The following SEC22A variants were observed in gnomAD, a reference collection of about 807,000 sequenced individuals.
The protein encoded by SEC22A is vesicle-trafficking protein SEC22a.
In SEC22A, 22 loss-of-function variants were observed where a neutral mutation model predicts 35.3. That is an observed-to-expected ratio of 0.62 (90% CI 0.45 to 0.89). The LOEUF (loss-of-function observed/expected upper bound fraction) is 0.89, where lower values mean the gene tolerates loss of function less well. Ranked by LOEUF, SEC22A falls within the 40% of genes least tolerant of loss-of-function variation. The probability of loss-of-function intolerance (pLI) is 0.00; values close to 1 mark genes in which losing one functional copy is unlikely to be tolerated. For missense variants in SEC22A, 354 were observed against 362.5 expected (o/e 0.98, Z 0.19); for synonymous variants, 119 against 129.5 (o/e 0.92, Z 0.55).
chr3:123,263,405 C>T (rs776644990), intron 6 of SEC22A, among the ~76,000 whole-genome samples: 4 of 152,240 alleles, frequency 2.6e-5, no homozygotes, highest in Non-Finnish European at 4.4e-5. Flanking sequence ...ATGGGGGCTC[C>T]GCCCTCATGA....
chr3:123,209,335 C>G lies in SEC22A; in HGVS notation c.118C>G (p.Leu40Val). The change falls in exon 2 of 7, where the codon CTT becomes GTT. Residue 40 changes from leucine to valine, a missense_variant. By Grantham distance (32) the Leu-to-Val change is conservative. Coordinates refer to ENST00000492595, the MANE Select transcript of SEC22A (RefSeq NM_012430.5). The stretch of plus-strand genomic sequence containing the variant: ...GGAGTGCAGAAAGTATTTTAAAATG[C>G]TTTCGAGGAAACTTGCTCAACTTCC... ...MQECRKYFKM[L>V]SRKLAQLPDR... The G allele has an allele frequency of 6.2e-7, 1 of 1,613,996 alleles. No homozygotes were observed. The highest frequency in any genetic ancestry group is 8.5e-7 in the Non-Finnish European group (1 of 1,179,936).
intron 4 of SEC22A, among the ~76,000 whole-genome samples, chr3:123,233,931 G>A (rs937467867): frequency 7.9e-5 from 12 of 152,256 alleles, no homozygotes; most frequent in African/African-American, 1.2e-4. Context: ...CACATATGAC[G>A]TAATCTTTTA....
chr3:123,245,750 A>T, intron 4 of SEC22A, 149 bp from the exon 5 acceptor site: 1 of 529,724 alleles, frequency 1.9e-6, no homozygotes, highest in Middle Eastern at 5.2e-4. Context: ...TCATTTTATA[A>T]CAGTATTTAA....
chr3:123,230,755 A>C (rs978280511), intron 4 of SEC22A, among the ~76,000 whole-genome samples: 1 of 150,830 alleles, frequency 6.6e-6, no homozygotes, highest in Non-Finnish European at 1.5e-5. Context: ...AAGGCATGAG[A>C]TGGATAAGAA....
At chr3:123,257,511 A>G (rs1047767224) in intron 5 of SEC22A, among the ~76,000 whole-genome samples, 2 of 151,452 alleles carry the variant, frequency 1.3e-5, no homozygotes, top group African/African-American at 4.9e-5. Flanking sequence ...AGCCTGGCCA[A>G]CCTGGTGAAA....
chr3:123,248,191 A>T (rs1444164483), intron 5 of SEC22A, among the ~76,000 whole-genome samples: 2 of 152,184 alleles, frequency 1.3e-5, no homozygotes, highest in African/African-American at 4.8e-5. Context: ...CCAACATCAT[A>T]CTGGAAGTTC....
rs1344135192 is a variant in SEC22A, at chr3:123,218,895, T to C, written c.183-4664T>C. Among the ~76,000 whole-genome samples the C allele has an allele frequency of 2.0e-5, 3 of 152,318 alleles. No individual in the cohort carries two copies. In the East Asian group the frequency reaches 5.8e-4, roughly 29 times the overall value. On this transcript the variant is annotated intron_variant, in intron 2 of 6. Transcript: ENST00000492595. ...GTGCTAAGAATATAATGGTGAGCAATACAGAAATCATCCCTGCTCTCATGG... is the reference window on the plus strand; with the variant it reads ...GTGCTAAGAATATAATGGTGAGCAACACAGAAATCATCCCTGCTCTCATGG...
chr3:123,202,893 C>T (rs1936774942), intron 1 of SEC22A, among the ~76,000 whole-genome samples: 1 of 152,026 alleles, frequency 6.6e-6, no homozygotes, highest in African/African-American at 2.4e-5. Context: ...TGCTTACATG[C>T]TAAGATTGTA....
chr3:123,266,707 T>C (rs920860155), intron 6 of SEC22A, among the ~76,000 whole-genome samples: 2 of 152,180 alleles, frequency 1.3e-5, no homozygotes, highest in African/African-American at 2.4e-5. Flanking sequence ...CAAAATATGG[T>C]CTGTCTTGTT....
intron 4 of SEC22A, among the ~76,000 whole-genome samples, chr3:123,241,007 ACAC>A: frequency 2.9e-5 from 2 of 69,610 alleles, no homozygotes; most frequent in Non-Finnish European, 1.0e-4. Flanking sequence ...TTTCTTACAC[ACAC>A]ACACACACAC....
At chr3:123,254,312 C>G (rs2108089163) in intron 5 of SEC22A, among the ~76,000 whole-genome samples, 1 of 152,236 alleles carries the variant, frequency 6.6e-6, no homozygotes, top group East Asian at 1.9e-4. Flanking sequence ...TGAGCCACTG[C>G]CCCTGACCCA....
intron 6 of SEC22A, 42 bp downstream of exon 6, chr3:123,259,631 T>A (rs1937831880): frequency 7.5e-7 from 1 of 1,334,940 alleles, no homozygotes; most frequent in Non-Finnish European, 1.1e-6. Flanking sequence ...ACCATTATTG[T>A]TTACTTCGGG....
intron 4 of SEC22A, 146 bp from the exon 5 acceptor site, chr3:123,245,753 G>A (rs1187378730): frequency 3.6e-6 from 2 of 550,900 alleles, no homozygotes; most frequent in Non-Finnish European, 3.3e-6. Context: ...TTTTATAACA[G>A]TATTTAATTG....
At chr3:123,208,672 A>G (rs1013641584) in intron 1 of SEC22A, 1 of 153,706 alleles carries the variant, frequency 6.5e-6, no homozygotes, top group Non-Finnish European at 1.4e-5. Context: ...GTCAGCCAAG[A>G]TGGCGCCACT....
At chr3:123,219,609 T>C (rs1018580452) in intron 2 of SEC22A, among the ~76,000 whole-genome samples, 7 of 152,228 alleles carry the variant, frequency 4.6e-5, no homozygotes, top group Non-Finnish European at 1.0e-4. Flanking sequence ...AAACTAAATA[T>C]GTAAAATACT....
chr3:123,221,660 T>C (rs1263420820), intron 2 of SEC22A, among the ~76,000 whole-genome samples: 1 of 152,030 alleles, frequency 6.6e-6, no homozygotes, highest in African/African-American at 2.4e-5. Flanking sequence ...GCTTATTTAT[T>C]ATAGTGGGGT....
At chr3:123,242,616 A>T (rs564099465) in intron 4 of SEC22A, among the ~76,000 whole-genome samples, 1 of 151,752 alleles carries the variant, frequency 6.6e-6, no homozygotes, top group East Asian at 1.9e-4. Flanking sequence ...TTTTGCAGTG[A>T]CTCTCCCACA....
chr3:123,203,999 C>T (rs565126401), intron 1 of SEC22A, among the ~76,000 whole-genome samples: 78 of 152,206 alleles, frequency 5.1e-4, no homozygotes, highest in African/African-American at 1.5e-3. Flanking sequence ...GGCAAAATGG[C>T]GGAAATTCCA....
In SEC22A at chr3:123,250,734, A is replaced by G. The variant is rs139282693; in HGVS notation, c.657+4720A>G. Among the ~76,000 whole-genome samples the G allele has an allele frequency of 2.4e-4, 37 of 152,358 alleles. No homozygotes were observed. In the East Asian group the frequency reaches 4.8e-3, roughly 20 times the overall value. The stretch of plus-strand genomic sequence containing the variant: ...GCCATTTTGAGAAAGCCAGTGAGAG[A>G]CAGCCAGACCAGGTCCTCTGGCCTA... On this transcript the variant is annotated intron_variant, in intron 5 of 6. Transcript: ENST00000492595.
Sources: allele counts gnomAD v4.1 joint callset (sites outside exome capture counted in the v4.1 genomes callset), GRCh38; gene constraint gnomAD v4.1.1; transcripts MANE v1.5; gene names NCBI Gene and HGNC (gene_info 2026-07-23, HGNC 2026-07-21).